PCLO: variants seen among roughly 807,000 people sequenced by gnomAD.
PCLO encodes the protein protein piccolo.
In PCLO, 82 loss-of-function variants were observed where a neutral mutation model predicts 427.5. The observed-to-expected ratio is 0.19, with a 90% CI of 0.16 to 0.23. The LOEUF (loss-of-function observed/expected upper bound fraction) is 0.23. Ranked by LOEUF, PCLO falls within the 10% of genes least tolerant of loss-of-function variation. PCLO has a pLI of 1.00. For synonymous variants in PCLO, 2,357 were observed against 2,155.4 expected (o/e 1.09, Z -2.59); for missense variants, 6,239 against 6,115.9 (o/e 1.02, Z -0.67).
At chr7:82,835,364 G>C (rs1376056079) in intron 16 of PCLO, among the ~76,000 whole-genome samples, 1 of 152,146 alleles carries the variant, frequency 6.6e-6, no homozygotes, top group Non-Finnish European at 1.5e-5. Context: ...GAAGCTAAAT[G>C]AGTTTTAGTG....
At chr7:83,033,399 C>A (rs1279781802) in intron 3 of PCLO, among the ~76,000 whole-genome samples, 1 of 152,124 alleles carries the variant, frequency 6.6e-6, no homozygotes, top group Non-Finnish European at 1.5e-5. Flanking sequence ...AAGCTGAACA[C>A]CTGGTATCTG....
chr7:82,802,326 A>G (rs1207085402), intron 21 of PCLO, among the ~76,000 whole-genome samples: 1 of 152,148 alleles, frequency 6.6e-6, no homozygotes, highest in Non-Finnish European at 1.5e-5. Flanking sequence ...TAAGCATTCA[A>G]TAAACATGAC....
chr7:82,847,911 T>C (rs886246719), intron 10 of PCLO, among the ~76,000 whole-genome samples: 4 of 152,158 alleles, frequency 2.6e-5, no homozygotes, highest in African/African-American at 9.7e-5. Flanking sequence ...GCTGTTGTCA[T>C]CTTGACATTC....
chr7:83,031,571 A>C (rs1322028119), intron 3 of PCLO, among the ~76,000 whole-genome samples: 1 of 152,214 alleles, frequency 6.6e-6, no homozygotes, highest in Non-Finnish European at 1.5e-5. Context: ...ATTAAGATTC[A>C]GTGTCTGAAC....
At chr7:83,043,851 C>A (rs987949788) in intron 3 of PCLO, among the ~76,000 whole-genome samples, 1 of 147,028 alleles carries the variant, frequency 6.8e-6, no homozygotes, top group Non-Finnish European at 1.5e-5. Context: ...AAATCATAAC[C>A]TTGTTTTCTT....
chr7:83,064,038 C>A (rs1789603847), intron 3 of PCLO, among the ~76,000 whole-genome samples: 1 of 152,006 alleles, frequency 6.6e-6, no homozygotes, highest in Non-Finnish European at 1.5e-5. Flanking sequence ...CATGGGCAAG[C>A]TCCTACAATG....
chr7:82,951,744 G>C, intron 5 of PCLO, 112 bp downstream of exon 5: 1 of 1,426,192 alleles, frequency 7.0e-7, no homozygotes, highest in East Asian at 2.4e-5. Context: ...AACATCCAAA[G>C]AAAGAGAAAA....
chr7:82,841,511 T>G lies in PCLO; in HGVS notation c.14047-2A>C. 6.5e-7 allele frequency: 1 copy of G among 1,542,926 alleles called. No homozygotes were observed. The highest frequency in any genetic ancestry group is 9.0e-7 in the Non-Finnish European group (1 of 1,116,598). ...GACAACCTTTGTTCCATCGGTAGGC[T>G]GTAATATTAAAGAACATATATTACA... On this transcript the variant is annotated splice_acceptor_variant, in intron 13 of 24. Coordinates refer to ENST00000333891, the MANE Select transcript of PCLO (RefSeq NM_033026.6). LOFTEE classifies it high-confidence loss of function.
intron 3 of PCLO, among the ~76,000 whole-genome samples, chr7:83,013,645 T>G (rs933820433): frequency 6.6e-6 from 1 of 152,158 alleles, no homozygotes; most frequent in Non-Finnish European, 1.5e-5. Flanking sequence ...GCCCTGAAAC[T>G]TCAGTTGGGT....
At chr7:82,783,294 A>T (rs1790912910) in intron 22 of PCLO, among the ~76,000 whole-genome samples, 1 of 152,186 alleles carries the variant, frequency 6.6e-6, no homozygotes, top group Non-Finnish European at 1.5e-5. Flanking sequence ...CTTATCTTAG[A>T]GTTAAAGAAA....
intron 8 of PCLO, among the ~76,000 whole-genome samples, chr7:82,905,331 T>C (rs963750545): frequency 6.6e-6 from 1 of 152,128 alleles, no homozygotes; most frequent in Middle Eastern, 3.4e-3. Context: ...GCCCTTTACT[T>C]CACACACGGA....
chr7:83,050,227 A>AAAAAAAAAAAAAAAAACAAAAAAAAAAAC (rs71074611), intron 3 of PCLO, among the ~76,000 whole-genome samples: 2 of 85,620 alleles, frequency 2.3e-5, no homozygotes, highest in Non-Finnish European at 5.3e-5. Flanking sequence ...AAAAAAAAAA[A>AAAAAAAAAAAAAAAAACAAAAAAAAAAAC]AAAAAAAAAA....
chr7:82,956,278 G>C lies in PCLO; in HGVS notation c.4675C>G (p.Gln1559Glu). Residue 1559 changes from glutamine to glutamate, a missense_variant, in exon 5 of 25, where the codon CAA becomes GAA. Around this residue, in one of 5 missense-constraint regions of PCLO, gnomAD observed 4,677 missense variants for 4,468.4 expected, o/e 1.05. Transcript: ENST00000333891. ...SGEEEDFIRK[Q>E]IIEMSADEDA... Reference sequence around the variant, plus strand: ...TCATCAGCACTCATTTCTATGATTTGTTTTCGAATGAAGTCCTCCTCTTCC... The same window carrying C: ...TCATCAGCACTCATTTCTATGATTTCTTTTCGAATGAAGTCCTCCTCTTCC... The C allele has an allele frequency of 1.2e-6, 2 of 1,612,434 alleles. No individual in the cohort carries two copies. The highest frequency in any genetic ancestry group is 1.7e-6 in the Non-Finnish European group (2 of 1,179,856).
chr7:83,138,301 T>TA (rs1279204491), intron 2 of PCLO, among the ~76,000 whole-genome samples: 3 of 152,140 alleles, frequency 2.0e-5, no homozygotes, highest in Non-Finnish European at 4.4e-5. Context: ...AGTTTCAAAA[T>TA]AAAAAATTCT....
intron 3 of PCLO, among the ~76,000 whole-genome samples, chr7:83,082,615 A>G (rs1195480413): frequency 6.6e-6 from 1 of 151,756 alleles, no homozygotes; most frequent in Non-Finnish European, 1.5e-5. Flanking sequence ...AATTTATTAT[A>G]TATTTCAAAA....
rs765537159 is a variant in PCLO at position 82,801,586 on chromosome 7, T to G, written c.14939A>C (p.Lys4980Thr). The change falls in exon 22 of 25, where the codon AAG becomes ACG. Residue 4980 changes from lysine (K) to threonine (T), a missense_variant. By Grantham distance (78) the Lys-to-Thr change is moderately conservative (BLOSUM62 -1). Transcript: ENST00000333891. ...AGGCTCTTGTCCATTCTGTCCCATC[T>G]TCCCTCTGTTTAGAAATAAAATAAA... ...TNLFPIPRIG[K>T]MGQNGQEPVK... The G allele has an allele frequency of 1.3e-6, 2 of 1,569,710 alleles. No individual in the cohort carries two copies. The highest frequency in any genetic ancestry group is 2.2e-5 in the East Asian group (1 of 44,504).
intron 6 of PCLO, among the ~76,000 whole-genome samples, chr7:82,920,855 T>G (rs994331440): frequency 3.3e-5 from 5 of 151,828 alleles, no homozygotes; most frequent in African/African-American, 1.2e-4. Context: ...GAAAGATCTG[T>G]AGTTTTTTCA....
Position 82,953,016 on chromosome 7 carries a change from T to G in PCLO, c.7937A>C (p.Gln2646Pro). The G allele has an allele frequency of 6.2e-7, 1 of 1,613,908 alleles. No individual in the cohort carries two copies. The highest frequency in any genetic ancestry group is 8.5e-7 in the Non-Finnish European group (1 of 1,179,852). Residue 2646 changes from glutamine (Q) to proline (P), a missense_variant, in exon 5 of 25, where the codon CAG becomes CCG. Around this residue, in one of 5 missense-constraint regions of PCLO, gnomAD observed 4,677 missense variants for 4,468.4 expected, o/e 1.05. Coordinates refer to ENST00000333891, the MANE Select transcript of PCLO (RefSeq NM_033026.6). ...TGTGACAGGGGTAGCAGAAAATGTC[T>G]GTAAAGCTCCAGAGATGTAGAAGGT... ...EQTFYISGAL[Q>P]TFSATPVTAP...
chr7:83,004,174 C>T (rs751003604), intron 3 of PCLO, among the ~76,000 whole-genome samples: 25 of 151,644 alleles, frequency 1.6e-4, no homozygotes, highest in Admixed American at 3.3e-4. Flanking sequence ...AACATTTGTA[C>T]GGAACCACAA....
Sources: gnomAD v4.1 joint callset for allele counts (sites outside exome capture counted in the v4.1 genomes callset) on GRCh38, gnomAD v4.1.1 for gene constraint, gnomAD v4.1.1 regional missense constraint, MANE v1.5 for transcripts, NCBI Gene and HGNC (gene_info 2026-07-23, HGNC 2026-07-21) for gene names.